Variants in SMARCA4 observed in about 807,000 individuals in gnomAD.
SMARCA4 encodes the protein SWI/SNF-related matrix-associated actin-dependent regulator of chromatin subfamily A member 4.
SMARCA4 carries 31 observed loss-of-function variants against 193.9 expected under a neutral mutation model. That is an observed-to-expected ratio of 0.16 (90% confidence interval 0.12 to 0.22). The LOEUF (loss-of-function observed/expected upper bound fraction) is 0.22, where lower values mean the gene tolerates loss of function less well. SMARCA4 is among the 10% of genes least tolerant of loss of function. The pLI, the probability that SMARCA4 is intolerant of heterozygous loss-of-function variation, is 1.00. For missense variants in SMARCA4, 1,148 were observed against 2,296.0 expected (o/e 0.50, Z 10.22); for synonymous variants, 942 against 933.1 (o/e 1.01, Z -0.17).
At position 11,033,541 on chromosome 19, in the gene SMARCA4, C is replaced by T. The variant is rs1277519931; in HGVS notation, c.3774+24C>T. ...AGGTGAGCCCAGCACCGGCCCCGACCCCTCCCCAGCGTGAATGGTGGACGC... is the reference window on the plus strand; with the variant it reads ...AGGTGAGCCCAGCACCGGCCCCGACTCCTCCCCAGCGTGAATGGTGGACGC... On this transcript the variant is annotated intron_variant, in intron 26 of 34. Transcript: ENST00000344626. This position sits in a 1 kb window ranked among gnomAD's most constrained non-coding sequence, Gnocchi z 9.8. The T allele has an allele frequency of 3.2e-6, 5 of 1,574,210 alleles. No homozygotes were observed. Among genetic ancestry groups the T allele is most frequent in the African/African-American group, 1.3e-5 (1 of 74,140 alleles).
intron 1 of SMARCA4, among the ~76,000 whole-genome samples, chr19:10,977,428 A>T (rs547647267): frequency 2.0e-5 from 3 of 151,804 alleles, no homozygotes; most frequent in Non-Finnish European, 4.4e-5. Flanking sequence ...GGTTCAATCA[A>T]TTCTCCTGCC....
chr19:11,035,230 A>C, intron 29 of SMARCA4, 98 bp downstream of exon 29: 2 of 1,184,686 alleles, frequency 1.7e-6, no homozygotes, highest in Non-Finnish European at 2.5e-6. Context: ...TGGGTCCAAA[A>C]TGCTTTCCTT....
intron 30 of SMARCA4, among the ~76,000 whole-genome samples, chr19:11,045,917 A>AT (rs2146893243): frequency 6.6e-6 from 1 of 152,162 alleles, no homozygotes; most frequent in East Asian, 1.9e-4. Context: ...CTCTGTCTCT[A>AT]TTTAAAAAAA....
At chr19:11,039,951 G>A (rs1568524298) in intron 29 of SMARCA4, 1 of 152,914 alleles carries the variant, frequency 6.5e-6, no homozygotes, top group Admixed American at 6.5e-5. Flanking sequence ...CGTGGTGGTG[G>A]GCGCCTGTAG....
At chr19:11,032,838 A>T (rs921126707) in intron 25 of SMARCA4, among the ~76,000 whole-genome samples, 1 of 152,126 alleles carries the variant, frequency 6.6e-6, no homozygotes, top group Non-Finnish European at 1.5e-5. Flanking sequence ...CAGAGGTGAG[A>T]CCTGGTTCCG....
intron 30 of SMARCA4, among the ~76,000 whole-genome samples, chr19:11,054,875 C>T (rs994381087): frequency 6.6e-6 from 1 of 152,170 alleles, no homozygotes; most frequent in African/African-American, 2.4e-5. Flanking sequence ...TGGGGGTGGA[C>T]TCCCCTTTGT....
chr19:10,973,762 G>T (rs1452087035), intron 1 of SMARCA4, among the ~76,000 whole-genome samples: 1 of 151,938 alleles, frequency 6.6e-6, no homozygotes, highest in East Asian at 1.9e-4. Flanking sequence ...GTAGAGACGG[G>T]GTTTCACCGT....
rs762531687 is a variant in SMARCA4, at chr19:10,984,256, G to A, written c.105G>A (p.Ser35=). 10 of 1,611,396 alleles carry A rather than the reference G, an allele frequency of 6.2e-6. No individual in the cohort carries two copies. Among genetic ancestry groups the A allele is most frequent in the South Asian group, 1.1e-5 (1 of 90,794 alleles). Residue 35 remains serine, a synonymous_variant, in exon 2 of 35, where the codon TCG becomes TCA. Coordinates refer to ENST00000344626, the MANE Select transcript of SMARCA4 (RefSeq NM_003072.5). The surrounding 1 kb of genome is among the most constrained non-coding windows in gnomAD (Gnocchi z 4.3). Reference sequence around the variant, plus strand: ...TGCTGGGCCCTAGCCCGGGTCCCTCGCCGGGCTCCGCCCACAGCATGATGG... The same window carrying A: ...TGCTGGGCCCTAGCCCGGGTCCCTCACCGGGCTCCGCCCACAGCATGATGG... The part of the protein sequence containing the change: ...GAMLGPSPGP[S]PGSAHSMMGP...
At chr19:11,025,629 G>A (rs2090197388) in intron 22 of SMARCA4, 121 bp downstream of exon 22, 5 of 751,196 alleles carry the variant, frequency 6.7e-6, no homozygotes, top group Non-Finnish European at 1.2e-5. Context: ...GGTAATGCCT[G>A]TACATCTGTC....
In SMARCA4 at chr19:10,971,488, G is replaced by A. The variant is rs183368367; in HGVS notation, c.-32+10314G>A. Among the ~76,000 whole-genome samples the A allele has an allele frequency of 2.6e-3, 365 of 141,608 alleles. 1 individual carries two copies. The highest frequency in any genetic ancestry group is 8.7e-3 in the African/African-American group (348 of 39,934). 92.9% of individuals were successfully genotyped at this position (141,608 alleles called of 152,430 possible). On this transcript the variant is annotated intron_variant, in intron 1 of 34. Coordinates refer to ENST00000344626, the MANE Select transcript of SMARCA4 (RefSeq NM_003072.5). ...ACTTCCACCCTCTATGTGACATTGTGTCTTTTTTTTTTTTTTTTCTCTTTG... is the reference window on the plus strand; with the variant it reads ...ACTTCCACCCTCTATGTGACATTGTATCTTTTTTTTTTTTTTTTCTCTTTG...
At chr19:11,048,772 C>A (rs555788854) in intron 30 of SMARCA4, among the ~76,000 whole-genome samples, 58 of 152,322 alleles carry the variant, frequency 3.8e-4, no homozygotes, top group African/African-American at 1.4e-3. Flanking sequence ...TACTTGCAGC[C>A]CCCTAGTTCG....
intron 11 of SMARCA4, among the ~76,000 whole-genome samples, chr19:10,999,998 G>A (rs1030374973): frequency 5.3e-5 from 8 of 152,140 alleles, no homozygotes; most frequent in African/African-American, 1.7e-4. Context: ...GGCCAAGGTG[G>A]GCGGATCACC....
In SMARCA4 at chr19:10,987,614, G is replaced by A. The variant is rs2086169297; in HGVS notation, c.860-52G>A. 7.5e-6 allele frequency: 12 copies of A among 1,608,708 alleles called. No homozygotes were observed. Among genetic ancestry groups the A allele is most frequent in the Admixed American group, 1.7e-5 (1 of 59,934 alleles). On this transcript the variant is annotated intron_variant, in intron 5 of 34. Coordinates refer to ENST00000344626, the MANE Select transcript of SMARCA4 (RefSeq NM_003072.5). This position sits in a 1 kb window ranked among gnomAD's most constrained non-coding sequence, Gnocchi z 5.3. ...CTCAGCAGCTTTCCATTTCCAGCCC[G>A]GGATGGGCCCCAGAGCTCAACATGA...
chr19:11,044,739 A>G (rs746655430), intron 30 of SMARCA4, among the ~76,000 whole-genome samples: 3 of 152,214 alleles, frequency 2.0e-5, no homozygotes, highest in Non-Finnish European at 4.4e-5. Context: ...ATCGAACTGC[A>G]GAAGATAATA....
At chr19:10,993,903 A>G (rs1486543571) in intron 8 of SMARCA4, among the ~76,000 whole-genome samples, 2 of 152,000 alleles carry the variant, frequency 1.3e-5, no homozygotes, top group African/African-American at 4.8e-5. Flanking sequence ...CGGCCTCCCA[A>G]AGTGCTGGGA....
At chr19:11,001,873 C>T (rs1347052189) in intron 11 of SMARCA4, among the ~76,000 whole-genome samples, 2 of 152,114 alleles carry the variant, frequency 1.3e-5, no homozygotes, top group Non-Finnish European at 2.9e-5. Flanking sequence ...AATGTTTATC[C>T]ATTGAATCTC....
At chr19:11,003,529 C>G in intron 13 of SMARCA4, 132 bp downstream of exon 13, 1 of 849,602 alleles carries the variant, frequency 1.2e-6, no homozygotes, top group Middle Eastern at 2.5e-4. Flanking sequence ...CCAGGCCTGC[C>G]CGAAGTCGGT....
In SMARCA4 at chr19:11,034,653, C is replaced by T. The variant is rs1033495848; in HGVS notation, c.3952-261C>T. Among the ~76,000 whole-genome samples the T allele has an allele frequency of 1.3e-5, 2 of 152,334 alleles. No homozygotes were observed. Among genetic ancestry groups the T allele is most frequent in the East Asian group, 1.9e-4 (1 of 5,162 alleles). On this transcript the variant is annotated intron_variant, in intron 28 of 34. Transcript: ENST00000344626. This position sits in a 1 kb window ranked among gnomAD's most constrained non-coding sequence, Gnocchi z 7.0. ...CGCTGGGCCACGCAGCTGCTGCCCCCCTGCTGGGGTCTGCAGCCCTCTTGT... is the reference window on the plus strand; with the variant it reads ...CGCTGGGCCACGCAGCTGCTGCCCCTCTGCTGGGGTCTGCAGCCCTCTTGT...
At chr19:11,038,463 C>T (rs758808940) in intron 29 of SMARCA4, among the ~76,000 whole-genome samples, 57 of 152,322 alleles carry the variant, frequency 3.7e-4, no homozygotes, top group Non-Finnish European at 6.3e-4. Context: ...GCTGTGCCCT[C>T]CATGCTGCTT....
Sources: allele counts gnomAD v4.1 joint callset (sites outside exome capture counted in the v4.1 genomes callset), GRCh38; gene constraint gnomAD v4.1.1; non-coding constraint Gnocchi (gnomAD v3.1); transcripts MANE v1.5; gene names NCBI Gene and HGNC (gene_info 2026-07-23, HGNC 2026-07-21).